The following RGS8 variants were observed in gnomAD, a reference collection of about 807,000 sequenced individuals.
RGS8 encodes the protein regulator of G-protein signaling 8.
Under a neutral mutation model 21.7 loss-of-function variants are expected in RGS8, and 8 were observed. The observed-to-expected ratio is 0.37, with a 90% CI of 0.22 to 0.66. The LOEUF (loss-of-function observed/expected upper bound fraction) is 0.66, where lower values mean the gene tolerates loss of function less well. Ranked by LOEUF, RGS8 falls within the 30% of genes least tolerant of loss-of-function variation. RGS8 has a pLI of 0.59. For synonymous variants in RGS8, 80 were observed against 83.6 expected, an observed-to-expected ratio of 0.96 and a Z score of 0.24; for missense variants, 157 against 217.9, an observed-to-expected ratio of 0.72 and a Z score of 1.76.
chr1:182,689,264 GACACACACACAC>G (rs34000229), upstream of RGS8, among the ~76,000 whole-genome samples: 1,037 of 125,764 alleles, frequency 8.2e-3, 16 homozygotes, highest in African/African-American at 0.027. Flanking sequence ...CACACACACA[GACACACACACAC>G]ACACACACAC....
chr1:182,672,488 G>T (rs2102447423), upstream of RGS8, among the ~76,000 whole-genome samples: 1 of 152,120 alleles, frequency 6.6e-6, no homozygotes, highest in East Asian at 1.9e-4. Flanking sequence ...CCACATCTCA[G>T]CTGTGCCCCT....
At chr1:182,665,995 G>C in exon 5 of RGS8, 1 of 1,613,792 alleles carries the variant, frequency 6.2e-7, no homozygotes, top group Non-Finnish European at 8.5e-7. Flanking sequence ...CACATCAAAG[G>C]AATCTGCCCA....
At chr1:182,685,502 A>C (rs1231381229), upstream of RGS8, among the ~76,000 whole-genome samples, 1 of 152,260 alleles carries the variant, frequency 6.6e-6, no homozygotes, top group Non-Finnish European at 1.5e-5. Flanking sequence ...AGGGAAGTAA[A>C]TCAACAAACC....
chr1:182,735,055 G>T, the RGS8 span, among the ~76,000 whole-genome samples: 1 of 151,894 alleles, frequency 6.6e-6, no homozygotes, highest in Non-Finnish European at 1.5e-5. Flanking sequence ...CTACGTTTTT[G>T]AAATTCAATG....
upstream of RGS8, among the ~76,000 whole-genome samples, chr1:182,688,134 A>G (rs1664746540): frequency 6.6e-6 from 1 of 152,254 alleles, no homozygotes; most frequent in Non-Finnish European, 1.5e-5. Flanking sequence ...GGATAAGAAG[A>G]TCTGAATATT....
the RGS8 span, among the ~76,000 whole-genome samples, chr1:182,752,129 C>T: frequency 2.0e-5 from 3 of 152,318 alleles, no homozygotes; most frequent in East Asian, 5.8e-4. Context: ...CAGAGAGATC[C>T]CAAGCCACCT....
At chr1:182,741,267 A>G in the RGS8 span, among the ~76,000 whole-genome samples, 11 of 118,338 alleles carry the variant, frequency 9.3e-5, no homozygotes, top group South Asian at 2.9e-4. Context: ...GCCGGGCAGA[A>G]GCTCCCCTCA....
At chr1:182,749,345 G>A in the RGS8 span, among the ~76,000 whole-genome samples, 2 of 152,138 alleles carry the variant, frequency 1.3e-5, no homozygotes, top group Non-Finnish European at 2.9e-5. Context: ...TTATTGAAGA[G>A]GACTTTATTT....
chr1:182,666,820 C>T (rs1220428921), intron 4 of RGS8, 52 bp downstream of exon 5: 52 of 1,333,990 alleles, frequency 3.9e-5, no homozygotes, highest in Admixed American at 1.3e-4. Context: ...AAGAAGTGAG[C>T]TATATGACTT....
the RGS8 span, chr1:182,733,919 TATTATGATTATA>T: frequency 6.6e-6 from 1 of 151,738 alleles, no homozygotes; most frequent in Non-Finnish European, 1.5e-5. Context: ...TATTTATTTT[TATTATGATTATA>T]ATTTTTTGAG....
intron 5 of RGS8, among the ~76,000 whole-genome samples, chr1:182,651,941 C>T (rs182802020): frequency 1.3e-5 from 2 of 152,302 alleles, no homozygotes; most frequent in South Asian, 2.1e-4. Flanking sequence ...GACCAGTCCA[C>T]GATTTCACTA....
chr1:182,667,282 T>C (rs1320279539), intron 3 of RGS8, among the ~76,000 whole-genome samples: 1 of 152,098 alleles, frequency 6.6e-6, no homozygotes, highest in Non-Finnish European at 1.5e-5. Context: ...GGAAAGAAAA[T>C]ACAGTGACAA....
chr1:182,710,210 T>G, the RGS8 span, among the ~76,000 whole-genome samples: 1 of 152,090 alleles, frequency 6.6e-6, no homozygotes, highest in Non-Finnish European at 1.5e-5. Flanking sequence ...ACAAATAAGG[T>G]CCCCTGGCCA....
chr1:182,697,542 C>T, the RGS8 span, among the ~76,000 whole-genome samples: 4 of 152,192 alleles, frequency 2.6e-5, no homozygotes, highest in African/African-American at 4.8e-5. Flanking sequence ...GGCTGAACTC[C>T]GGCTGACAAC....
At chr1:182,706,264 T>C in the RGS8 span, among the ~76,000 whole-genome samples, 1 of 152,086 alleles carries the variant, frequency 6.6e-6, no homozygotes, top group African/African-American at 2.4e-5. Context: ...GCTTGGATTA[T>C]AGGTGTGCAC....
chr1:182,651,027 A>G (rs1030765549), intron 5 of RGS8, among the ~76,000 whole-genome samples: 5 of 152,208 alleles, frequency 3.3e-5, no homozygotes, highest in African/African-American at 1.2e-4. Flanking sequence ...TTTAGACTCA[A>G]ATGAGAGGTC....
intron 5 of RGS8, among the ~76,000 whole-genome samples, chr1:182,656,603 C>A (rs1358766911): frequency 6.6e-6 from 1 of 152,228 alleles, no homozygotes; most frequent in Non-Finnish European, 1.5e-5. Flanking sequence ...ATGCCATGTT[C>A]TCTCAGGCAG....
exon 5 of RGS8, chr1:182,666,010 G>A (rs1352280951): frequency 4.3e-6 from 7 of 1,613,756 alleles, no homozygotes; most frequent in East Asian, 4.5e-5. Flanking sequence ...TGCCCACCTC[G>A]TAGCTTCTTC....
chr1:182,678,177 T>TA (rs1249856026), intron 1 of RGS8, among the ~76,000 whole-genome samples: 17 of 152,228 alleles, frequency 1.1e-4, no homozygotes, highest in Admixed American at 2.0e-4. Context: ...GTTGAAATGA[T>TA]ATGCTATCAT....
Sources: gnomAD v4.1 joint callset for allele counts (sites outside exome capture counted in the v4.1 genomes callset) on GRCh38, gnomAD v4.1.1 for gene constraint, MANE v1.5 for transcripts, NCBI Gene and HGNC (gene_info 2026-07-23, HGNC 2026-07-21) for gene names.